ADAMTS12: variants seen among roughly 807,000 people sequenced by gnomAD.
ADAMTS12 encodes A disintegrin and metalloproteinase with thrombospondin motifs 12.
A neutral mutation model predicts 167.8 loss-of-function variants in ADAMTS12; 118 were observed. The ratio of observed to expected loss-of-function variants is 0.70; its 90% CI spans 0.61 to 0.82. The LOEUF is 0.82. Ranked by LOEUF, ADAMTS12 falls within the 40% of genes least tolerant of loss-of-function variation. The pLI, the probability that ADAMTS12 is intolerant of heterozygous loss-of-function variation, is 0.00. For synonymous variants in ADAMTS12, 704 were observed against 716.9 expected (o/e 0.98, Z 0.29); for missense variants, 1,916 against 1,998.8 (o/e 0.96, Z 0.79).
At chr5:33,754,804 C>A (rs191900656) in intron 2 of ADAMTS12, among the ~76,000 whole-genome samples, 1 of 151,992 alleles carries the variant, frequency 6.6e-6, no homozygotes, top group South Asian at 2.1e-4. Flanking sequence ...TGCAGTGAGC[C>A]GAGATTGCGC....
intron 6 of ADAMTS12, among the ~76,000 whole-genome samples, chr5:33,658,766 C>A (rs1579807974): frequency 6.6e-6 from 1 of 152,124 alleles, no homozygotes. Flanking sequence ...CTAAGAACTT[C>A]TTTTTCCCAT....
At chr5:33,607,518 T>C (rs1014455445) in intron 16 of ADAMTS12, among the ~76,000 whole-genome samples, 1 of 152,244 alleles carries the variant, frequency 6.6e-6, no homozygotes, top group Admixed American at 6.5e-5. Flanking sequence ...ATATGAATTT[T>C]ACAATAGTTT....
At chr5:33,742,335 A>AC (rs1293470541) in intron 3 of ADAMTS12, among the ~76,000 whole-genome samples, 12 of 151,548 alleles carry the variant, frequency 7.9e-5, no homozygotes, top group African/African-American at 2.4e-4. Flanking sequence ...CCCCGTAAAA[A>AC]AAAAAAAAAA....
At chr5:33,714,923 T>C (rs1447232837) in intron 3 of ADAMTS12, among the ~76,000 whole-genome samples, 2 of 152,086 alleles carry the variant, frequency 1.3e-5, no homozygotes, top group Non-Finnish European at 2.9e-5. Context: ...ATTTATTGTA[T>C]ACTTCAAAAC....
chr5:33,740,582 G>C (rs1195314499), intron 3 of ADAMTS12, among the ~76,000 whole-genome samples: 1 of 152,162 alleles, frequency 6.6e-6, no homozygotes, highest in East Asian at 1.9e-4. Flanking sequence ...TGCCATCTTG[G>C]GATGGGGGGG....
At chr5:33,845,492 G>C (rs1748910803) in intron 2 of ADAMTS12, among the ~76,000 whole-genome samples, 1 of 152,086 alleles carries the variant, frequency 6.6e-6, no homozygotes, top group Non-Finnish European at 1.5e-5. Context: ...AGATATAATA[G>C]TAATAACATA....
chr5:33,561,290 C>T (rs940810638), intron 19 of ADAMTS12, 111 bp from the exon 20 acceptor site: 2 of 1,356,516 alleles, frequency 1.5e-6, no homozygotes, highest in East Asian at 4.9e-5. Flanking sequence ...ACATTGCCCA[C>T]AGAGCTTTTT....
chr5:33,645,984 T>C (rs151316160), intron 9 of ADAMTS12, among the ~76,000 whole-genome samples: 107 of 152,236 alleles, frequency 7.0e-4, no homozygotes, highest in African/African-American at 2.5e-3. Flanking sequence ...CAGGATAGGA[T>C]ATAAAAGAAT....
At chr5:33,676,246 C>T (rs1741896970) in intron 5 of ADAMTS12, among the ~76,000 whole-genome samples, 1 of 152,152 alleles carries the variant, frequency 6.6e-6, no homozygotes, top group African/African-American at 2.4e-5. Flanking sequence ...ATTGTTCTCG[C>T]TCTTTGTAAG....
intron 2 of ADAMTS12, among the ~76,000 whole-genome samples, chr5:33,863,593 T>C (rs571201269): frequency 2.6e-5 from 4 of 151,716 alleles, no homozygotes; most frequent in Admixed American, 6.6e-5. Context: ...TGTTCATGAA[T>C]AGGAAGAATC....
chr5:33,883,304 T>A (rs1750515716), intron 1 of ADAMTS12, among the ~76,000 whole-genome samples: 1 of 150,948 alleles, frequency 6.6e-6, no homozygotes, highest in Non-Finnish European at 1.5e-5. Flanking sequence ...AGTTTTTTTG[T>A]TTGTTTGTTT....
intron 20 of ADAMTS12, among the ~76,000 whole-genome samples, chr5:33,557,824 C>G (rs889981475): frequency 6.6e-6 from 1 of 152,116 alleles, no homozygotes; most frequent in Non-Finnish European, 1.5e-5. Flanking sequence ...TACAGCTGCT[C>G]CCCATTGCTC....
At chr5:33,709,247 T>G (rs913219894) in intron 3 of ADAMTS12, among the ~76,000 whole-genome samples, 24 of 152,154 alleles carry the variant, frequency 1.6e-4, no homozygotes, top group African/African-American at 5.8e-4. Context: ...CCTTTTACAC[T>G]GTTGGTAGGA....
chr5:33,707,973 G>C (rs1052242698), intron 3 of ADAMTS12, among the ~76,000 whole-genome samples: 1 of 152,112 alleles, frequency 6.6e-6, no homozygotes, highest in Non-Finnish European at 1.5e-5. Context: ...AAGAGCTTCT[G>C]CACAGCAAAA....
chr5:33,641,907 T>C lies in ADAMTS12; in HGVS notation c.1621A>G (p.Ile541Val). ...CITVGKKPES[I>V]PGGWGRWSPW... ...GACCAGCGGCCCCAGCCTCCAGGAA[T>C]GCTCTCTGGTTTCTTCCCCACTGTG... The change falls in exon 11 of 24, where the codon ATT (isoleucine) becomes GTT (valine). Residue 541 changes from isoleucine (I) to valine (V), a missense_variant. Ile to Val is a conservative substitution (Grantham distance 29). Transcript: ENST00000504830. 1 of 1,613,780 alleles carries C rather than the reference T, an allele frequency of 6.2e-7. No homozygotes were observed. Among genetic ancestry groups the C allele is most frequent in the Non-Finnish European group, 8.5e-7 (1 of 1,179,730 alleles).
chr5:33,630,845 T>A lies in ADAMTS12; in HGVS notation c.1957A>T (p.Ile653Phe). 7.4e-6 allele frequency: 12 copies of A among 1,613,738 alleles called. No homozygotes were observed. The highest frequency in any genetic ancestry group is 9.3e-6 in the Non-Finnish European group (11 of 1,179,728). Residue 653 changes from isoleucine (I) to phenylalanine (F), a missense_variant, in exon 13 of 24, where the codon ATT (isoleucine) becomes TTT (phenylalanine). Physicochemically the swap from Ile to Phe is conservative, Grantham distance 21. Coordinates refer to ENST00000504830, the MANE Select transcript of ADAMTS12 (RefSeq NM_030955.4). ...QFSEKMLDAV[I>F]DGTPCFEGGN... ...CCTTCAAAGCAAGGGGTACCATCAA[T>A]GACAGCATCCAGCATTTTCTCAGAA...
At chr5:33,817,234 A>G (rs1867718) in intron 2 of ADAMTS12, among the ~76,000 whole-genome samples, 89,399 of 152,010 alleles carry the variant, frequency 0.59, 26,873 homozygotes, top group Non-Finnish European at 0.65. Context: ...TAAGTAGTCT[A>G]TGTTTTACAA....
chr5:33,609,034 C>T (rs200108594), intron 16 of ADAMTS12, among the ~76,000 whole-genome samples: 2 of 152,130 alleles, frequency 1.3e-5, no homozygotes, highest in African/African-American at 4.8e-5. Context: ...TAGCCATCCA[C>T]ATTAGTTTTG....
chr5:33,534,430 C>G (rs1744272760), intron 23 of ADAMTS12, among the ~76,000 whole-genome samples: 1 of 152,120 alleles, frequency 6.6e-6, no homozygotes, highest in Non-Finnish European at 1.5e-5. Flanking sequence ...GGGACCTGGC[C>G]TAATGCAGTG....
Sources: allele counts gnomAD v4.1 joint callset (sites outside exome capture counted in the v4.1 genomes callset), GRCh38; gene constraint gnomAD v4.1.1; transcripts MANE v1.5; gene names NCBI Gene and HGNC (gene_info 2026-07-23, HGNC 2026-07-21).